Variants in NUDCD1 observed in about 807,000 individuals in gnomAD.
The protein encoded by NUDCD1 is nudC domain-containing protein 1.
A neutral mutation model predicts 67.8 loss-of-function variants in NUDCD1; 60 were observed. The ratio of observed to expected loss-of-function variants is 0.88; its 90% confidence interval spans 0.72 to 1.10. The LOEUF is 1.10. Among genes scored for constraint, NUDCD1 ranks in the 50% least tolerant of loss-of-function variants. NUDCD1 has a pLI of 0.00. For synonymous variants in NUDCD1, 244 were observed against 230.8 expected (o/e 1.06, Z -0.52); for missense variants, 643 against 695.0 (o/e 0.93, Z 0.84).
chr8:109,324,737 C>A (rs1009203836), intron 1 of NUDCD1, among the ~76,000 whole-genome samples: 2 of 152,038 alleles, frequency 1.3e-5, no homozygotes, highest in African/African-American at 2.4e-5. Context: ...TAAAAAAGAA[C>A]GAAATTCTAT....
chr8:109,279,343 C>T (rs962490327), intron 6 of NUDCD1, among the ~76,000 whole-genome samples: 1 of 152,078 alleles, frequency 6.6e-6, no homozygotes, highest in Non-Finnish European at 1.5e-5. Context: ...TTTTAATTTT[C>T]CTAATGTCTA....
chr8:109,266,379 C>A (rs1265715984), intron 8 of NUDCD1, among the ~76,000 whole-genome samples: 1 of 148,792 alleles, frequency 6.7e-6, no homozygotes, highest in Non-Finnish European at 1.5e-5. Context: ...GTGCCTGCCA[C>A]CATGCCCGGC....
intron 1 of NUDCD1, chr8:109,329,838 A>C (rs1015090306): frequency 2.6e-6 from 4 of 1,551,010 alleles, no homozygotes; most frequent in Non-Finnish European, 3.5e-6. Context: ...TAAAGCATTG[A>C]AAACGATGGA....
Position 109,243,052 on chromosome 8 carries a change from G to C in NUDCD1, c.1709C>G (p.Thr570Ser). Residue 570 changes from threonine to serine, a missense_variant, in exon 10 of 10, where the codon ACT becomes AGT. Thr to Ser is a moderately conservative substitution (Grantham distance 58). Coordinates refer to ENST00000239690, the MANE Select transcript of NUDCD1 (RefSeq NM_032869.4). ...TTTTATTAAAAAGAGGTTTTTGGTA[G>C]TAAGAACAAATAATCTCTCATTTGT... ...QATNERLFVL[T>S]TKNLFLIKVN... 6.2e-7 allele frequency: 1 copy of C among 1,603,438 alleles called. No homozygotes were observed. The highest frequency in any genetic ancestry group is 1.3e-5 in the African/African-American group (1 of 74,800).
rs766558701 is a variant in NUDCD1, at chr8:109,271,134, A to C, written c.1174-4T>G. On this transcript the variant is annotated splice_polypyrimidine_tract_variant and splice_region_variant and intron_variant, in intron 7 of 9. Coordinates refer to ENST00000239690, the MANE Select transcript of NUDCD1 (RefSeq NM_032869.4). ...TTTCTTTATCTGGATTTGGATTCTT[A>C]GTCCAGAAAATAAAATAAGTAAATA... The C allele has an allele frequency of 6.5e-7, 1 of 1,528,308 alleles. No homozygotes were observed. Among genetic ancestry groups the C allele is most frequent in the Non-Finnish European group, 8.9e-7 (1 of 1,124,798 alleles). 94.7% of individuals were successfully genotyped at this position (1,528,308 alleles called of 1,614,324 possible). A position where few individuals can be genotyped will look rare whatever the true frequency, so the allele number is the denominator to read the frequency against.
intron 8 of NUDCD1, among the ~76,000 whole-genome samples, chr8:109,266,716 C>T (rs984682530): frequency 6.6e-6 from 1 of 152,090 alleles, no homozygotes; most frequent in African/African-American, 2.4e-5. Flanking sequence ...AATAATTCAT[C>T]TTCAATTCTA....
intron 5 of NUDCD1, 107 bp downstream of exon 5, chr8:109,289,644 A>T: frequency 1.8e-6 from 1 of 554,808 alleles, no homozygotes; most frequent in Non-Finnish European, 3.1e-6. Flanking sequence ...AGAAAAAATT[A>T]TGCATCTATC....
At chr8:109,313,487 T>C (rs1815307013) in intron 2 of NUDCD1, among the ~76,000 whole-genome samples, 1 of 152,132 alleles carries the variant, frequency 6.6e-6, no homozygotes, top group African/African-American at 2.4e-5. Flanking sequence ...AAGACTGAAG[T>C]GTAGTGGTCG....
intron 6 of NUDCD1, among the ~76,000 whole-genome samples, chr8:109,278,382 A>C (rs1256013695): frequency 1.3e-5 from 2 of 152,184 alleles, no homozygotes; most frequent in Non-Finnish European, 2.9e-5. Flanking sequence ...ACTTAACTTT[A>C]TCTTTTTTTA....
At chr8:109,329,711 C>T in intron 1 of NUDCD1, 1 of 1,185,206 alleles carries the variant, frequency 8.4e-7, no homozygotes, top group Non-Finnish European at 1.2e-6. Flanking sequence ...TATATCACAA[C>T]TTCTTAAGTT....
At chr8:109,243,392 T>G (rs1813421648) in intron 9 of NUDCD1, 91 bp from the exon 10 acceptor site, 1 of 1,059,352 alleles carries the variant, frequency 9.4e-7, no homozygotes, top group South Asian at 1.9e-5. Context: ...TTGCAATGTT[T>G]ATTACAAATT....
At chr8:109,291,303 G>C (rs1194364731) in intron 4 of NUDCD1, among the ~76,000 whole-genome samples, 1 of 152,070 alleles carries the variant, frequency 6.6e-6, no homozygotes, top group Non-Finnish European at 1.5e-5. Flanking sequence ...ACACCATGCC[G>C]AGCTAATGTT....
intron 8 of NUDCD1, among the ~76,000 whole-genome samples, chr8:109,266,392 A>ATTTT (rs71305931): frequency 5.7e-5 from 5 of 87,504 alleles, no homozygotes; most frequent in African/African-American, 1.5e-4. Flanking sequence ...TGCCCGGCTA[A>ATTTT]TTTTTTTTTT....
At chr8:109,320,806 G>A (rs560113816) in intron 2 of NUDCD1, among the ~76,000 whole-genome samples, 27 of 152,236 alleles carry the variant, frequency 1.8e-4, no homozygotes, top group Admixed American at 2.0e-4. Flanking sequence ...CACAATCTAC[G>A]TTCTTCTGCC....
chr8:109,312,685 A>G (rs1312371577), intron 2 of NUDCD1, among the ~76,000 whole-genome samples: 1 of 152,222 alleles, frequency 6.6e-6, no homozygotes, highest in Admixed American at 6.5e-5. Flanking sequence ...AAGTAGGTAA[A>G]GATGAAAGCA....
rs373292730 is a variant in NUDCD1 at position 109,295,295 on chromosome 8, G to C, written c.459+1089C>G. 5.9e-5 allele frequency among the ~76,000 whole-genome samples: 9 copies of C among 152,010 alleles called. No individual in the cohort carries two copies. The East Asian group carries it at 7.7e-4, about 13-fold the overall frequency. On this transcript the variant is annotated intron_variant, in intron 3 of 9. Transcript: ENST00000239690. The stretch of plus-strand genomic sequence containing the variant: ...AAATTCCCACTCATATCTCTCCTGC[G>C]CATTATTCTCAAAATACCTTCCAAC...
intron 1 of NUDCD1, among the ~76,000 whole-genome samples, chr8:109,333,438 G>A (rs899222370): frequency 3.3e-5 from 5 of 152,212 alleles, no homozygotes; most frequent in Admixed American, 2.6e-4. Flanking sequence ...TGACTGGAAT[G>A]TAGTTTCTCT....
At chr8:109,329,334 C>G (rs1815752093) in intron 1 of NUDCD1, among the ~76,000 whole-genome samples, 1 of 152,040 alleles carries the variant, frequency 6.6e-6, no homozygotes, top group African/African-American at 2.4e-5. Context: ...TGCCATTGAT[C>G]TTGATAAAAA....
At position 109,275,378 on chromosome 8, in the gene NUDCD1, A is replaced by G. The variant is rs1341728263; in HGVS notation, c.1147T>C (p.Leu383=). The change falls in exon 7 of 10, where the codon TTG becomes CTG. Residue 383 remains leucine (L), a synonymous_variant. Transcript: ENST00000239690. ...SAQCAAIAER[L]MHLTSEELNP... ...AGTTCTTCAGAGGTCAAATGCATCA[A>G]ACGTTCAGCTATTGCAGCACACTGG... The G allele has an allele frequency of 6.2e-7, 1 of 1,613,518 alleles. No individual in the cohort carries two copies. Among genetic ancestry groups the G allele is most frequent in the Admixed American group, 1.7e-5 (1 of 59,958 alleles).
Sources: gnomAD v4.1 joint callset for allele counts (sites outside exome capture counted in the v4.1 genomes callset) on GRCh38, gnomAD v4.1.1 for gene constraint, MANE v1.5 for transcripts, NCBI Gene and HGNC (gene_info 2026-07-23, HGNC 2026-07-21) for gene names.